The following CCDC172 variants were observed in gnomAD, a reference collection of about 807,000 sequenced individuals.
The protein encoded by CCDC172 is coiled-coil domain containing 172, also known as coiled-coil domain-containing protein 172.
Under a neutral mutation model 38.0 loss-of-function variants are expected in CCDC172, and 30 were observed. The ratio of observed to expected loss-of-function variants is 0.79; its 90% confidence interval spans 0.59 to 1.07. The LOEUF (loss-of-function observed/expected upper bound fraction) is 1.07, where lower values mean the gene tolerates loss of function less well. Ranked by LOEUF, CCDC172 falls within the 50% of genes least tolerant of loss-of-function variation. The pLI is 0.00. For missense variants in CCDC172, 297 were observed against 290.1 expected, an observed-to-expected ratio of 1.02 and a Z score of -0.17; for synonymous variants, 78 against 88.3, an observed-to-expected ratio of 0.88 and a Z score of 0.66.
Position 116,362,418 on chromosome 10 carries a change from T to C in CCDC172, c.653+4480T>C, listed in dbSNP as rs1458947430. On this transcript the variant is annotated intron_variant, in intron 7 of 8. Coordinates refer to ENST00000333254, the MANE Select transcript of CCDC172 (RefSeq NM_198515.3). The stretch of plus-strand genomic sequence containing the variant: ...CCATATTTATATAACCAGTCTCTCA[T>C]TAATGGATGTACAAGATAGTTTCTA... 2.0e-5 allele frequency among the ~76,000 whole-genome samples: 3 copies of C among 152,230 alleles called. No individual in the cohort carries two copies. The East Asian group carries it at 5.8e-4, about 29-fold the overall frequency.
chr10:116,357,912 G>A lies in CCDC172; in HGVS notation c.627G>A (p.Lys209=). The A allele has an allele frequency of 6.3e-7, 1 of 1,575,672 alleles. No homozygotes were observed. Among genetic ancestry groups the A allele is most frequent in the Admixed American group, 1.9e-5 (1 of 53,464 alleles). The part of the protein sequence containing the change: ...LEAEKIKISE[K]PQNDTECLRL... Reference sequence around the variant, plus strand: ...CAGAAAAAATAAAAATCAGTGAAAAGCCTCAAAATGATACAGAATGCTTAA... The same window carrying A: ...CAGAAAAAATAAAAATCAGTGAAAAACCTCAAAATGATACAGAATGCTTAA... Residue 209 remains lysine (K), a synonymous_variant, in exon 7 of 9, where the codon AAG becomes AAA. Transcript: ENST00000333254.
At chr10:116,362,957 G>A in intron 7 of CCDC172, among the ~76,000 whole-genome samples, 1 of 152,094 alleles carries the variant, frequency 6.6e-6, no homozygotes, top group East Asian at 1.9e-4. Context: ...AAATACAGAG[G>A]AAATTTTTAC....
chr10:116,373,750 C>T (rs1845213619), intron 7 of CCDC172, among the ~76,000 whole-genome samples: 1 of 152,108 alleles, frequency 6.6e-6, no homozygotes, highest in Non-Finnish European at 1.5e-5. Flanking sequence ...AGTGATCTGC[C>T]CACCTTGGCT....
At chr10:116,356,448 A>G (rs895642597) in intron 5 of CCDC172, among the ~76,000 whole-genome samples, 2 of 151,924 alleles carry the variant, frequency 1.3e-5, no homozygotes, top group Non-Finnish European at 2.9e-5. Flanking sequence ...AGAGATTAAG[A>G]GCAGATCAGA....
intron 8 of CCDC172, 107 bp downstream of exon 8, chr10:116,378,617 C>T: frequency 1.3e-6 from 1 of 787,002 alleles, no homozygotes; most frequent in Non-Finnish European, 2.0e-6. Flanking sequence ...AATCCCTCTG[C>T]AAAAAACAGA....
At position 116,379,473 on chromosome 10, in the gene CCDC172, G is replaced by T; in HGVS notation, c.*115G>T. Reference sequence around the variant, plus strand: ...AACGGATCCTTGTGGGAAATATGGGGTTTAAAATATTCAAATTGTTATTAT... The same window carrying T: ...AACGGATCCTTGTGGGAAATATGGGTTTTAAAATATTCAAATTGTTATTAT... On this transcript the variant is annotated 3_prime_UTR_variant, in exon 9 of 9. Transcript: ENST00000333254. 1.8e-6 allele frequency: 1 copy of T among 543,932 alleles called. No individual in the cohort carries two copies. The highest frequency in any genetic ancestry group is 3.1e-6 in the Non-Finnish European group (1 of 322,180). 33.7% of individuals were successfully genotyped at this position (543,932 alleles called of 1,614,324 possible).
chr10:116,337,659 GC>G (rs1844748103), intron 3 of CCDC172, among the ~76,000 whole-genome samples: 1 of 152,088 alleles, frequency 6.6e-6, no homozygotes, highest in Non-Finnish European at 1.5e-5. Context: ...AAATGTTCAA[GC>G]TACATAGATA....
chr10:116,336,529 C>A (rs1056775085), intron 3 of CCDC172, among the ~76,000 whole-genome samples: 1 of 151,728 alleles, frequency 6.6e-6, no homozygotes, highest in African/African-American at 2.4e-5. Flanking sequence ...AAAGATAGAT[C>A]TTTTTTACAA....
chr10:116,368,505 C>T (rs932786071), intron 7 of CCDC172, among the ~76,000 whole-genome samples: 2 of 151,818 alleles, frequency 1.3e-5, no homozygotes, highest in African/African-American at 2.4e-5. Flanking sequence ...AATCCATTAC[C>T]GTCATTATTA....
chr10:116,330,212 A>G (rs566477941), intron 3 of CCDC172, among the ~76,000 whole-genome samples: 16 of 152,326 alleles, frequency 1.1e-4, no homozygotes, highest in South Asian at 8.3e-4. Context: ...GCTTTCAAAC[A>G]AAAATTAGAA....
chr10:116,359,577 C>T (rs1845039371), intron 7 of CCDC172, among the ~76,000 whole-genome samples: 1 of 152,140 alleles, frequency 6.6e-6, no homozygotes, highest in Non-Finnish European at 1.5e-5. Context: ...TAGCACCCTG[C>T]ATTCACCGGT....
At chr10:116,369,439 T>A (rs186550086) in intron 7 of CCDC172, among the ~76,000 whole-genome samples, 2 of 152,172 alleles carry the variant, frequency 1.3e-5, no homozygotes, top group East Asian at 3.9e-4. Context: ...TATTCTCATA[T>A]CCCTTTCTCT....
At chr10:116,346,757 G>A (rs1320286269) in intron 5 of CCDC172, among the ~76,000 whole-genome samples, 1 of 151,854 alleles carries the variant, frequency 6.6e-6, no homozygotes, top group Non-Finnish European at 1.5e-5. Context: ...TGTTTTCAGA[G>A]TACCTGATAT....
chr10:116,345,480 A>G (rs1408618622), intron 5 of CCDC172, among the ~76,000 whole-genome samples: 1 of 152,216 alleles, frequency 6.6e-6, no homozygotes, highest in Non-Finnish European at 1.5e-5. Flanking sequence ...AAAAAGAAAA[A>G]CAGATTTAAA....
In CCDC172 at chr10:116,325,143, G is replaced by A; in HGVS notation, c.79+53G>A. ...GGCCTTTTGTCTTCTGATGCTGGGT[G>A]CTTGGAGCAGAAGGAAATCCCGAAG... On this transcript the variant is annotated intron_variant, in intron 2 of 8. Coordinates refer to ENST00000333254, the MANE Select transcript of CCDC172 (RefSeq NM_198515.3). The A allele has an allele frequency of 3.2e-6, 5 of 1,574,902 alleles. No homozygotes were observed. In the South Asian group the frequency reaches 5.6e-5, roughly 17 times the overall value.
At chr10:116,372,570 T>C (rs759097825) in intron 7 of CCDC172, among the ~76,000 whole-genome samples, 1 of 152,180 alleles carries the variant, frequency 6.6e-6, no homozygotes, top group Non-Finnish European at 1.5e-5. Context: ...TCTGGCTTTT[T>C]AGATTTACCA....
intron 7 of CCDC172, among the ~76,000 whole-genome samples, chr10:116,371,528 G>T (rs1845185443): frequency 1.3e-5 from 2 of 151,828 alleles, no homozygotes; most frequent in Non-Finnish European, 2.9e-5. Flanking sequence ...GATCAGGTCT[G>T]CTATCAGTGT....
chr10:116,341,868 G>GT (rs1316041734), intron 4 of CCDC172, among the ~76,000 whole-genome samples, 168 bp from the exon 5 acceptor site: 7 of 151,730 alleles, frequency 4.6e-5, no homozygotes, highest in Admixed American at 3.3e-4. Flanking sequence ...AATAGCTTCA[G>GT]TTTTTTATTA....
At chr10:116,331,885 A>G (rs112825702) in intron 3 of CCDC172, among the ~76,000 whole-genome samples, 2,248 of 152,176 alleles carry the variant, frequency 0.015, 44 homozygotes, top group African/African-American at 0.051. Flanking sequence ...TCTGCACTGT[A>G]TGGATAAGAG....
Sources: allele counts gnomAD v4.1 joint callset (sites outside exome capture counted in the v4.1 genomes callset), GRCh38; gene constraint gnomAD v4.1.1; transcripts MANE v1.5; gene names NCBI Gene and HGNC (gene_info 2026-07-23, HGNC 2026-07-21).